The following NALF1 variants were observed in gnomAD, a reference collection of about 807,000 sequenced individuals.
NALF1 encodes NALCN channel auxiliary factor 1, also known as family with sequence similarity 155 member A.
Under a neutral mutation model 48.4 loss-of-function variants are expected in NALF1, and 3 were observed. The observed-to-expected ratio is 0.06, with a 90% CI of 0.03 to 0.16. NALF1 has a LOEUF of 0.16. Ranked by LOEUF, NALF1 falls within the 10% of genes least tolerant of loss-of-function variation. NALF1 has a pLI of 1.00. For synonymous variants in NALF1, 262 were observed against 245.7 expected (o/e 1.07, Z -0.62); for missense variants, 526 against 571.5 (o/e 0.92, Z 0.81).
At position 107,691,568 on chromosome 13, in the gene NALF1, A is replaced by G. The variant is rs1881569805; in HGVS notation, c.915+174114T>C. On this transcript the variant is annotated intron_variant, in intron 1 of 2. Coordinates refer to ENST00000375915, the MANE Select transcript of NALF1 (RefSeq NM_001080396.3). ...CTTAACACCATATGTTCAAAGTCAAATAGGACAGCAACAAATTAACAACTG... is the reference window on the plus strand; with the variant it reads ...CTTAACACCATATGTTCAAAGTCAAGTAGGACAGCAACAAATTAACAACTG... 2.0e-5 allele frequency among the ~76,000 whole-genome samples: 3 copies of G among 152,226 alleles called. No individual in the cohort carries two copies. The South Asian group carries it at 6.2e-4, about 32-fold the overall frequency.
At chr13:107,374,013 G>A (rs181399240) in intron 1 of NALF1, among the ~76,000 whole-genome samples, 15 of 152,244 alleles carry the variant, frequency 9.9e-5, no homozygotes, top group Admixed American at 7.8e-4. Flanking sequence ...CATTTGGGAC[G>A]TTTTCTTTGT....
At chr13:107,769,692 A>T (rs1418477244) in intron 1 of NALF1, among the ~76,000 whole-genome samples, 7 of 22,452 alleles carry the variant, frequency 3.1e-4, no homozygotes, top group Non-Finnish European at 9.4e-4. Context: ...AAGTATAATA[A>T]AAAAAAAAAA....
intron 1 of NALF1, among the ~76,000 whole-genome samples, chr13:107,658,354 C>T (rs1293173091): frequency 6.6e-6 from 1 of 152,054 alleles, no homozygotes; most frequent in Non-Finnish European, 1.5e-5. Context: ...CTCTGGATCT[C>T]TTTTTCATAT....
intron 1 of NALF1, among the ~76,000 whole-genome samples, chr13:107,274,717 G>C (rs1881245366): frequency 6.6e-6 from 1 of 152,186 alleles, no homozygotes; most frequent in African/African-American, 2.4e-5. Flanking sequence ...TTTTAGAGTT[G>C]GGAGTGGTAT....
intron 1 of NALF1, among the ~76,000 whole-genome samples, chr13:107,405,553 G>A (rs113917688): frequency 2.6e-3 from 394 of 151,978 alleles, no homozygotes; most frequent in African/African-American, 8.2e-3. Flanking sequence ...GCTAATCTTG[G>A]GCAGTCAGGA....
At chr13:107,841,846 A>C (rs906951333) in intron 1 of NALF1, among the ~76,000 whole-genome samples, 3 of 152,090 alleles carry the variant, frequency 2.0e-5, no homozygotes, top group Non-Finnish European at 4.4e-5. Flanking sequence ...GAAATCCCAA[A>C]TATTCTTGCA....
At chr13:107,779,091 TTACTG>T (rs1877817687) in intron 1 of NALF1, among the ~76,000 whole-genome samples, 1 of 152,252 alleles carries the variant, frequency 6.6e-6, no homozygotes, top group African/African-American at 2.4e-5. Flanking sequence ...TTTGGCTGAA[TTACTG>T]TAGAGAGATG....
chr13:107,544,430 A>G (rs73591180), intron 1 of NALF1, among the ~76,000 whole-genome samples: 17,127 of 152,214 alleles, frequency 0.11, 1,310 homozygotes, highest in Admixed American at 0.19. Flanking sequence ...AAATAAAGAA[A>G]AACTGCAATT....
Position 107,269,913 on chromosome 13 carries a change from A to ATTTTT in NALF1, c.916-59163_916-59159dup, listed in dbSNP as rs71121514. On this transcript the variant is annotated intron_variant, in intron 1 of 2. Coordinates refer to ENST00000375915, the MANE Select transcript of NALF1 (RefSeq NM_001080396.3). ...AGGTGCCCACCACCACGCCCGGCTAATTTTTTTTTTTTTTTTTTTTTTTTT... is the reference window on the plus strand; with the variant it reads ...AGGTGCCCACCACCACGCCCGGCTAATTTTTTTTTTTTTTTTTTTTTTTTTTTTTT... 2.4e-4 allele frequency among the ~76,000 whole-genome samples: 21 copies of ATTTTT among 89,042 alleles called. 1 individual carries two copies. The highest frequency in any genetic ancestry group is 2.0e-3 in the South Asian group (5 of 2,564). The allele number at this position is 89,042 out of a possible 152,430, so 58.4% of individuals were successfully genotyped here.
At chr13:107,182,074 C>T (rs1443731292) in intron 2 of NALF1, among the ~76,000 whole-genome samples, 2 of 152,102 alleles carry the variant, frequency 1.3e-5, no homozygotes, top group African/African-American at 4.8e-5. Flanking sequence ...AAAAGGACAA[C>T]CCAACTCACT....
chr13:107,381,271 G>A (rs1037719470), intron 1 of NALF1, among the ~76,000 whole-genome samples: 1 of 150,322 alleles, frequency 6.7e-6, no homozygotes, highest in African/African-American at 2.5e-5. Flanking sequence ...CATGGTCATA[G>A]CTCACTGCAG....
At chr13:107,606,023 C>T (rs1453216664) in intron 1 of NALF1, among the ~76,000 whole-genome samples, 3 of 152,068 alleles carry the variant, frequency 2.0e-5, no homozygotes, top group Non-Finnish European at 2.9e-5. Flanking sequence ...AAAAATTTCC[C>T]GAAATACCCT....
At chr13:107,562,296 G>A (rs916167468) in intron 1 of NALF1, among the ~76,000 whole-genome samples, 1 of 152,144 alleles carries the variant, frequency 6.6e-6, no homozygotes, top group South Asian at 2.1e-4. Context: ...GCTAGCATCT[G>A]TGCAGTTTTA....
intron 1 of NALF1, among the ~76,000 whole-genome samples, chr13:107,574,705 C>G (rs986337394): frequency 2.6e-5 from 4 of 152,144 alleles, no homozygotes; most frequent in Non-Finnish European, 5.9e-5. Context: ...CTCAAGGGTC[C>G]TATTATTCTG....
chr13:107,242,990 G>A (rs1594085979), intron 1 of NALF1, among the ~76,000 whole-genome samples: 2 of 151,946 alleles, frequency 1.3e-5, no homozygotes, highest in Admixed American at 1.3e-4. Flanking sequence ...CTCCCTCTCA[G>A]CCACCCACTT....
At chr13:107,800,302 A>G (rs116795799) in intron 1 of NALF1, among the ~76,000 whole-genome samples, 2,413 of 152,204 alleles carry the variant, frequency 0.016, 71 homozygotes, top group African/African-American at 0.055. Context: ...CAAATTTGAC[A>G]CTGTGTAGAA....
chr13:107,536,498 T>C (rs1477110179), intron 1 of NALF1, among the ~76,000 whole-genome samples: 2 of 152,150 alleles, frequency 1.3e-5, no homozygotes, highest in African/African-American at 2.4e-5. Context: ...TCACTGGCCA[T>C]CAGAGAAATG....
chr13:107,612,826 G>A (rs1050585240), intron 1 of NALF1, among the ~76,000 whole-genome samples: 6 of 152,034 alleles, frequency 3.9e-5, no homozygotes, highest in Non-Finnish European at 5.9e-5. Flanking sequence ...ATAATCACAC[G>A]AGACATATTT....
chr13:107,739,655 A>G (rs1419814873), intron 1 of NALF1, among the ~76,000 whole-genome samples: 1 of 152,152 alleles, frequency 6.6e-6, no homozygotes, highest in East Asian at 1.9e-4. Flanking sequence ...AGACCTCAAG[A>G]AACTGAACTC....
Sources: gnomAD v4.1 joint callset for allele counts (sites outside exome capture counted in the v4.1 genomes callset) on GRCh38, gnomAD v4.1.1 for gene constraint, MANE v1.5 for transcripts, NCBI Gene and HGNC (gene_info 2026-07-23, HGNC 2026-07-21) for gene names.